THEM6: variants seen among roughly 807,000 people sequenced by gnomAD.
The protein encoded by THEM6 is protein THEM6.
Under a neutral mutation model 13.7 loss-of-function variants are expected in THEM6, and 10 were observed. The observed-to-expected ratio is 0.73, with a 90% CI of 0.45 to 1.24. The LOEUF (loss-of-function observed/expected upper bound fraction) is 1.24. THEM6 is among the 50% of genes most tolerant of loss of function. The probability of loss-of-function intolerance (pLI) is 0.00; values close to 1 mark genes in which losing one functional copy is unlikely to be tolerated. For missense variants in THEM6, 317 were observed against 312.6 expected (o/e 1.01, Z -0.11); for synonymous variants, 161 against 156.0 (o/e 1.03, Z -0.24).
chr8:142,732,298 C>T (rs1444154849), intron 1 of THEM6, among the ~76,000 whole-genome samples: 1 of 148,166 alleles, frequency 6.7e-6, no homozygotes, highest in East Asian at 2.0e-4. Context: ...CCTTGCCTGC[C>T]CTGGGAGGTT....
chr8:142,727,253 T>C lies in THEM6; in HGVS notation c.-94T>C, dbSNP rs1350542270. 3.2e-5 allele frequency: 41 copies of C among 1,279,262 alleles called. No individual in the cohort carries two copies. Among genetic ancestry groups the C allele is most frequent in the Non-Finnish European group, 4.0e-5 (40 of 990,702 alleles). The allele number at this position is 1,279,262 out of a possible 1,614,324, so 79.2% of individuals were successfully genotyped here. A position where few individuals can be genotyped will look rare whatever the true frequency, so the allele number is the denominator to read the frequency against. The stretch of plus-strand genomic sequence containing the variant: ...GCTCCGGGCGCGCTGCGCTCGTGAG[T>C]TCCCAGGAGGCCTGGCGGGCACCGT... On this transcript the variant is annotated 5_prime_UTR_variant, in exon 1 of 2. Coordinates refer to ENST00000336138, the MANE Select transcript of THEM6 (RefSeq NM_016647.3).
intron 1 of THEM6, among the ~76,000 whole-genome samples, chr8:142,728,684 G>A (rs1815572248): frequency 6.6e-6 from 1 of 152,184 alleles, no homozygotes; most frequent in South Asian, 2.1e-4. Flanking sequence ...CTCAAGGGAG[G>A]GTTCTTGGAT....
At chr8:142,732,204 A>ATATATATATATATATATATATATG (rs1382315215) in intron 1 of THEM6, among the ~76,000 whole-genome samples, 4 of 102,680 alleles carry the variant, frequency 3.9e-5, no homozygotes, top group African/African-American at 1.7e-4. Context: ...ATATATATAT[A>ATATATATATATATATATATATATG]TATTTTAACT....
Position 142,735,447 on chromosome 8 carries a change from C to T in THEM6, c.*8C>T, listed in dbSNP as rs1387622113. The T allele has an allele frequency of 6.4e-7, 1 of 1,553,990 alleles. No homozygotes were observed. The highest frequency in any genetic ancestry group is 1.2e-5 in the South Asian group (1 of 84,716). Reference sequence around the variant, plus strand: ...GTCACCAAGGACCAGTGACCGCCACCTTCACACCGTCTGCCCTGGCCACCA... The same window carrying T: ...GTCACCAAGGACCAGTGACCGCCACTTTCACACCGTCTGCCCTGGCCACCA... On this transcript the variant is annotated 3_prime_UTR_variant, in exon 2 of 2. Transcript: ENST00000336138.
chr8:142,730,746 CTTTT>C (rs782028092), intron 1 of THEM6, among the ~76,000 whole-genome samples: 2 of 142,104 alleles, frequency 1.4e-5, no homozygotes, highest in Admixed American at 7.0e-5. Context: ...TTAATAAAAT[CTTTT>C]TTTTTTTTTT....
intron 1 of THEM6, among the ~76,000 whole-genome samples, chr8:142,734,205 C>T (rs1002637905): frequency 3.9e-5 from 6 of 152,124 alleles, no homozygotes; most frequent in Admixed American, 1.3e-4. Context: ...GGGTACCTTC[C>T]GATGTTATTT....
At chr8:142,733,010 A>G (rs1563822937) in intron 1 of THEM6, among the ~76,000 whole-genome samples, 2 of 152,194 alleles carry the variant, frequency 1.3e-5, no homozygotes, top group Admixed American at 1.3e-4. Flanking sequence ...GCTTTGCCAC[A>G]AGAGTTCACC....
rs1306519892 is a variant in THEM6, at chr8:142,727,444, G to A, written c.98G>A (p.Arg33His). The A allele has an allele frequency of 5.1e-6, 8 of 1,554,812 alleles. No homozygotes were observed. Among genetic ancestry groups the A allele is most frequent in the Non-Finnish European group, 6.9e-6 (8 of 1,157,948 alleles). ...GTGCGCCTTCCGTGCGCCGTGCTGC[G>A]CGCGCGCCTGCTGCAGCCGCGCGTC... ...YLVRLPCAVL[R>H]ARLLQPRVRD... Residue 33 changes from arginine to histidine, a missense_variant, in exon 1 of 2, where the codon CGC becomes CAC. Arg to His is a conservative substitution (Grantham distance 29). Coordinates refer to ENST00000336138, the MANE Select transcript of THEM6 (RefSeq NM_016647.3).
intron 1 of THEM6, among the ~76,000 whole-genome samples, chr8:142,730,518 A>G (rs1451701040): frequency 1.7e-4 from 26 of 152,196 alleles, no homozygotes; most frequent in Non-Finnish European, 3.8e-4. Context: ...CCCAGGGGAC[A>G]CTGCGGCCCT....
chr8:142,735,455 CG>C lies in THEM6; in HGVS notation c.*17del. 1 of 1,539,610 alleles carries C rather than the reference CG, an allele frequency of 6.5e-7. No homozygotes were observed. Among genetic ancestry groups the C allele is most frequent in the African/African-American group, 1.4e-5 (1 of 73,126 alleles). ...GGACCAGTGACCGCCACCTTCACAC[CG>C]TCTGCCCTGGCCACCATCCTGGGCC... On this transcript the variant is annotated 3_prime_UTR_variant, in exon 2 of 2. Coordinates refer to ENST00000336138, the MANE Select transcript of THEM6 (RefSeq NM_016647.3).
rs1815734848 is a variant in THEM6, at chr8:142,735,332, C to G, written c.520C>G (p.Pro174Ala). Residue 174 changes from proline (P) to alanine (A), a missense_variant, in exon 2 of 2, where the codon CCC (proline) becomes GCC (alanine). By Grantham distance (27) the Pro-to-Ala change is conservative (BLOSUM62 -1). Transcript: ENST00000336138. ...VQHLCQRRVE[P>A]PELPADLQHW... ...CCCTTTCTGTCCTCTGCAGGTGGAG[C>G]CCCCTGAGCTGCCCGCTGATCTGCA... 1 of 1,555,748 alleles carries G rather than the reference C, an allele frequency of 6.4e-7. No homozygotes were observed. The highest frequency in any genetic ancestry group is 8.7e-7 in the Non-Finnish European group (1 of 1,149,730).
rs587639625 is a variant in THEM6, at chr8:142,729,083, C to T, written c.513+1224C>T. On this transcript the variant is annotated intron_variant, in intron 1 of 1. Coordinates refer to ENST00000336138, the MANE Select transcript of THEM6 (RefSeq NM_016647.3). ...GCCTCCCCACTAGCTGGGACTACGGCGCCAGCCACCACGCCCGGCTAATTT... is the reference window on the plus strand; with the variant it reads ...GCCTCCCCACTAGCTGGGACTACGGTGCCAGCCACCACGCCCGGCTAATTT... Among the ~76,000 whole-genome samples, 232 of 151,942 alleles carry T rather than the reference C, an allele frequency of 1.5e-3. 1 individual carries two copies. The highest frequency in any genetic ancestry group is 5.4e-3 in the African/African-American group (225 of 41,440).
chr8:142,728,197 A>G (rs1296659160), intron 1 of THEM6, among the ~76,000 whole-genome samples: 2 of 151,760 alleles, frequency 1.3e-5, no homozygotes, highest in African/African-American at 4.8e-5. Flanking sequence ...TGGAGTGTTG[A>G]CCTCTCTGGT....
intron 1 of THEM6, among the ~76,000 whole-genome samples, chr8:142,732,620 C>T (rs992478773): frequency 6.6e-6 from 1 of 152,156 alleles, no homozygotes; most frequent in Admixed American, 6.5e-5. Context: ...AAGTACTTTA[C>T]CAGCTTCTGT....
rs985824406 is a variant in THEM6, at chr8:142,735,856, G to A, written c.*417G>A. ...CCAGAGCATCCTGGGTACAGGCCTG[G>A]GCTCTCCAGGGCCTGGGCCTGATTC... On this transcript the variant is annotated 3_prime_UTR_variant, in exon 2 of 2. Coordinates refer to ENST00000336138, the MANE Select transcript of THEM6 (RefSeq NM_016647.3). 19 of 186,220 alleles carry A rather than the reference G, an allele frequency of 1.0e-4. No individual in the cohort carries two copies. The highest frequency in any genetic ancestry group is 2.1e-4 in the Non-Finnish European group (18 of 87,514). The allele number at this position is 186,220 out of a possible 1,614,324, so 11.5% of individuals were successfully genotyped here. A position where few individuals can be genotyped will look rare whatever the true frequency, so the allele number is the denominator to read the frequency against.
chr8:142,736,141 G>A lies in THEM6; in HGVS notation c.*702G>A, dbSNP rs1354369999. ...CTTGTGGCTGAGAGGGGTCAGACTA[G>A]GTGGCACAGGGGCTCCTGGAAAGAC... On this transcript the variant is annotated 3_prime_UTR_variant, in exon 2 of 2. Transcript: ENST00000336138. 6.6e-6 allele frequency: 1 copy of A among 152,540 alleles called. No homozygotes were observed. The highest frequency in any genetic ancestry group is 2.4e-5 in the African/African-American group (1 of 41,458). The allele number at this position is 152,540 out of a possible 1,614,324, so 9.4% of individuals were successfully genotyped here. A position where few individuals can be genotyped will look rare whatever the true frequency, so the allele number is the denominator to read the frequency against.
rs149849582 is a variant in THEM6 at position 142,730,270 on chromosome 8, T to C, written c.513+2411T>C. Among the ~76,000 whole-genome samples, 533 of 149,398 alleles carry C rather than the reference T, an allele frequency of 3.6e-3. 9 individuals carry two copies. Among genetic ancestry groups the C allele is most frequent in the African/African-American group, 0.012 (489 of 40,910 alleles). ...ATGGCAGTCTCAGTGGTTAACAGCA[T>C]AAAATAGGGTTCTTCCCAGGCTGGC... On this transcript the variant is annotated intron_variant, in intron 1 of 1. Transcript: ENST00000336138.
intron 1 of THEM6, among the ~76,000 whole-genome samples, chr8:142,732,821 C>T (rs1047603047): frequency 1.4e-4 from 21 of 151,906 alleles, no homozygotes; most frequent in Non-Finnish European, 2.4e-4. Context: ...GGAGCGTGCT[C>T]CCTCATGAGA....
At chr8:142,730,201 G>A (rs1381260761) in intron 1 of THEM6, among the ~76,000 whole-genome samples, 1 of 152,210 alleles carries the variant, frequency 6.6e-6, no homozygotes, top group Admixed American at 6.5e-5. Context: ...AGAGAAAGAT[G>A]TTTTCTTGAC....
Sources: gnomAD v4.1 joint callset for allele counts (sites outside exome capture counted in the v4.1 genomes callset) on GRCh38, gnomAD v4.1.1 for gene constraint, MANE v1.5 for transcripts, NCBI Gene and HGNC (gene_info 2026-07-23, HGNC 2026-07-21) for gene names.